Variants in PVALEF observed in about 807,000 individuals in gnomAD.
PVALEF encodes the protein parvalbumin-like EF-hand-containing protein.
PVALEF carries 2 observed loss-of-function variants against 1.2 expected under a neutral mutation model. The observed-to-expected ratio is 1.68, with a 90% CI of 0.69 to 5.28. The LOEUF is 5.28. Among genes scored for constraint, PVALEF ranks in the 30% most tolerant of loss-of-function variants. PVALEF has a pLI of 0.06. For synonymous variants in PVALEF, 16 were observed against 6.5 expected, an observed-to-expected ratio of 2.47 and a Z score of -2.24; for missense variants, 35 against 17.7, an observed-to-expected ratio of 1.97 and a Z score of -1.75.
chr17:81,173,313 G>C (rs550697995), intron 2 of PVALEF, among the ~76,000 whole-genome samples: 1 of 152,300 alleles, frequency 6.6e-6, no homozygotes, highest in Non-Finnish European at 1.5e-5. Flanking sequence ...GAGGAAGCCA[G>C]GTTGTCTGGT....
chr17:81,173,152 GGGA>G (rs1446342235), intron 2 of PVALEF, among the ~76,000 whole-genome samples: 3 of 152,166 alleles, frequency 2.0e-5, no homozygotes, highest in Non-Finnish European at 4.4e-5. Context: ...TGCCGGCGAG[GGGA>G]GAGGTGCTCG....
In PVALEF at chr17:81,170,910, G is replaced by C. The variant is rs372226357; in HGVS notation, c.-340+4066G>C. The stretch of plus-strand genomic sequence containing the variant: ...GCCCTGTACCCACAGGCACCCAGGA[G>C]GTAACAGAGCTGGGTGCTCTTCCAG... On this transcript the variant is annotated intron_variant, in intron 2 of 6. Transcript: ENST00000637878. Among the ~76,000 whole-genome samples, 490 of 152,262 alleles carry C rather than the reference G, an allele frequency of 3.2e-3. 8 individuals are homozygous for C. The highest frequency in any genetic ancestry group is 0.011 in the African/African-American group (465 of 41,570).
chr17:81,171,473 A>G (rs772539636), intron 2 of PVALEF, among the ~76,000 whole-genome samples: 2 of 152,172 alleles, frequency 1.3e-5, no homozygotes, highest in East Asian at 1.9e-4. Flanking sequence ...GTTTTATTAA[A>G]AGCATGATTT....
intron 2 of PVALEF, among the ~76,000 whole-genome samples, chr17:81,169,969 T>G (rs948987678): frequency 9.2e-5 from 13 of 141,868 alleles, no homozygotes; most frequent in Non-Finnish European, 6.3e-5. Context: ...GGTGTTGGTA[T>G]GTGTACATGT....
intron 6 of PVALEF, 138 bp downstream of exon 6, chr17:81,182,219 G>A: frequency 2.5e-6 from 1 of 396,358 alleles, no homozygotes; most frequent in Non-Finnish European, 4.4e-6. Context: ...TCTGGGCCGG[G>A]AGTCTAGGTG....
rs977045088 is a variant in PVALEF, at chr17:81,181,614, C to A, written c.162C>A (p.Gly54=). The change falls in exon 5 of 7, where the codon GGC becomes GGA. Residue 54 remains glycine (G), a synonymous_variant. Coordinates refer to ENST00000637878, the MANE Select transcript of PVALEF (RefSeq NM_001354639.2). Reference sequence around the variant, plus strand: ...ACATCCGCAAGCTCCACGCCTCGGGCCAGCTGGACGACGCCATCCACACGG... The same window carrying A: ...ACATCCGCAAGCTCCACGCCTCGGGACAGCTGGACGACGCCATCCACACGG... ...FKHIRKLHAS[G]QLDDAIHTAF... 7.1e-6 allele frequency: 3 copies of A among 422,716 alleles called. No homozygotes were observed. The highest frequency in any genetic ancestry group is 1.2e-5 in the Non-Finnish European group (3 of 241,774). The allele number at this position is 422,716 out of a possible 1,614,324, so 26.2% of individuals were successfully genotyped here. A position where few individuals can be genotyped will look rare whatever the true frequency, so the allele number is the denominator to read the frequency against.
At chr17:81,165,797 G>T in intron 1 of PVALEF, 50 bp downstream of exon 1, 1 of 1,503,752 alleles carries the variant, frequency 6.7e-7, no homozygotes, top group Non-Finnish European at 8.9e-7. Flanking sequence ...GGGCCGCCAG[G>T]GGGTCCGGCT....
chr17:81,166,714 C>T lies in PVALEF; in HGVS notation c.-470C>T. The T allele has an allele frequency of 4.4e-6, 2 of 455,610 alleles. No individual in the cohort carries two copies. The highest frequency in any genetic ancestry group is 8.8e-6 in the Non-Finnish European group (2 of 226,784). 28.2% of individuals were successfully genotyped at this position (455,610 alleles called of 1,614,324 possible). On this transcript the variant is annotated 5_prime_UTR_variant, in exon 2 of 7. Transcript: ENST00000637878. The stretch of plus-strand genomic sequence containing the variant: ...CTGGCAGCCGCCCCCCCACCCCATG[C>T]CCTTTGGGTGGCACCTGTGCTGGTG...
intron 1 of PVALEF, 164 bp downstream of exon 1, chr17:81,165,911 G>A (rs747315725): frequency 1.3e-5 from 20 of 1,566,222 alleles, no homozygotes; most frequent in Non-Finnish European, 1.6e-5. Flanking sequence ...AGGCAGCGGC[G>A]CGCAGGCCGG....
chr17:81,182,969 T>C lies in PVALEF; in HGVS notation c.363T>C (p.Phe121=). Residue 121 remains phenylalanine, a synonymous_variant, in exon 7 of 7, where the codon TTT becomes TTC. Transcript: ENST00000637878. ...TAAATTGGTCTCCTGCTCTAGAATTTTCTGAATTGATCAAAAAGGAGAAAA... is the reference window on the plus strand; with the variant it reads ...TAAATTGGTCTCCTGCTCTAGAATTCTCTGAATTGATCAAAAAGGAGAAAA... ...HGDGRINYEE[F]SELIKKEKIP... is the part of the protein sequence containing the mutation. 3 of 398,656 alleles carry C rather than the reference T, an allele frequency of 7.5e-6. No individual in the cohort carries two copies. The highest frequency in any genetic ancestry group is 1.3e-5 in the Non-Finnish European group (3 of 226,074). The allele number at this position is 398,656 out of a possible 1,614,324, so 24.7% of individuals were successfully genotyped here.
At chr17:81,180,558 C>T (rs1174392101) in intron 3 of PVALEF, among the ~76,000 whole-genome samples, 1 of 152,206 alleles carries the variant, frequency 6.6e-6, no homozygotes, top group Non-Finnish European at 1.5e-5. Context: ...CCACCATCTC[C>T]CTTCCCTCCT....
intron 2 of PVALEF, among the ~76,000 whole-genome samples, chr17:81,167,246 T>A (rs2061500327): frequency 6.6e-6 from 1 of 152,184 alleles, no homozygotes; most frequent in African/African-American, 2.4e-5. Context: ...TGAGCCAAGA[T>A]GGCACCACTG....
At chr17:81,175,140 T>TGCGCTGCCTGGGGG (rs2061532658) in intron 2 of PVALEF, among the ~76,000 whole-genome samples, 2 of 152,152 alleles carry the variant, frequency 1.3e-5, no homozygotes, top group Non-Finnish European at 2.9e-5. Flanking sequence ...GATTATCCAA[T>TGCGCTGCCTGGGGG]TTGTCCAAAA....
intron 1 of PVALEF, among the ~76,000 whole-genome samples, chr17:81,166,262 G>A (rs1375929484): frequency 3.3e-5 from 2 of 61,070 alleles, no homozygotes; most frequent in Admixed American, 1.6e-4. Flanking sequence ...GCGCGGGGGA[G>A]GGGGGGGCCC....
chr17:81,176,241 G>A (rs781006232), intron 2 of PVALEF, among the ~76,000 whole-genome samples: 19 of 152,276 alleles, frequency 1.2e-4, no homozygotes, highest in African/African-American at 2.4e-4. Context: ...AGTGAGGGCC[G>A]GGCACGGTGG....
intron 2 of PVALEF, among the ~76,000 whole-genome samples, chr17:81,172,423 T>C (rs1482728782): frequency 6.6e-6 from 1 of 152,038 alleles, no homozygotes; most frequent in Non-Finnish European, 1.5e-5. Context: ...ACTGCAACAT[T>C]ATATCTAATG....
At position 81,165,617 on chromosome 17, in the gene PVALEF, C is replaced by T; in HGVS notation, c.-638C>T. The T allele has an allele frequency of 7.0e-7, 1 of 1,438,726 alleles. No homozygotes were observed. Among genetic ancestry groups the T allele is most frequent in the Non-Finnish European group, 9.2e-7 (1 of 1,084,316 alleles). The allele number at this position is 1,438,726 out of a possible 1,614,324, so 89.1% of individuals were successfully genotyped here. ...TGACACCCCCCACACCCCCAAGGGC[C>T]CTTAGTCTGAGACCAACTCTCCTGG... On this transcript the variant is annotated 5_prime_UTR_variant, in exon 1 of 7. Transcript: ENST00000637878.
intron 2 of PVALEF, among the ~76,000 whole-genome samples, chr17:81,171,886 C>A (rs1051332830): frequency 7.9e-5 from 12 of 152,160 alleles, no homozygotes; most frequent in Non-Finnish European, 1.3e-4. Context: ...CAACATTGCG[C>A]CCCCATCTGG....
intron 2 of PVALEF, 108 bp downstream of exon 2, chr17:81,166,952 CG>C: frequency 3.2e-6 from 1 of 317,090 alleles, no homozygotes; most frequent in South Asian, 2.3e-5. Context: ...AGGGTTGGGG[CG>C]GGGCAGGGTC....
Sources: allele counts gnomAD v4.1 joint callset (sites outside exome capture counted in the v4.1 genomes callset), GRCh38; gene constraint gnomAD v4.1.1; transcripts MANE v1.5; gene names NCBI Gene and HGNC (gene_info 2026-07-23, HGNC 2026-07-21).